NEB: variants seen among roughly 807,000 people sequenced by gnomAD.
NEB encodes nebulin.
Under a neutral mutation model 952.2 loss-of-function variants are expected in NEB, and 512 were observed. The ratio of observed to expected loss-of-function variants is 0.54; its 90% CI spans 0.50 to 0.58. The LOEUF (loss-of-function observed/expected upper bound fraction) is 0.58. Ranked by LOEUF, NEB falls within the 20% of genes least tolerant of loss-of-function variation. The probability of loss-of-function intolerance (pLI) is 0.00; values close to 1 mark genes in which losing one functional copy is unlikely to be tolerated. For synonymous variants in NEB, 2,900 were observed against 3,149.8 expected (o/e 0.92, Z 2.66); for missense variants, 8,428 against 9,231.1 (o/e 0.91, Z 3.56).
chr2:151,724,508 C>A, intron 7 of NEB, 144 bp from the exon 8 acceptor site: 2 of 652,994 alleles, frequency 3.1e-6, no homozygotes, highest in South Asian at 3.7e-5. Flanking sequence ...TGCCAACATC[C>A]TATAATACTT....
rs150504324 is a variant in NEB at position 151,544,469 on chromosome 2, C to T, written c.20577+1419G>A. The stretch of plus-strand genomic sequence containing the variant: ...CACGGAGAATCAGTCTGGTGTGGAA[C>T]AAGGGGTCAGGGCCCTCTCTGGGTG... On this transcript the variant is annotated intron_variant, in intron 135 of 181. Transcript: ENST00000397345. 1.8e-3 allele frequency among the ~76,000 whole-genome samples: 271 copies of T among 152,204 alleles called. 2 individuals are homozygous for T. Among genetic ancestry groups the T allele is most frequent in the African/African-American group, 6.2e-3 (258 of 41,530 alleles).
At chr2:151,625,944 T>A (rs2098514180) in intron 70 of NEB, among the ~76,000 whole-genome samples, 1 of 152,180 alleles carries the variant, frequency 6.6e-6, no homozygotes, top group African/African-American at 2.4e-5. Context: ...AAGCAAGTAT[T>A]TCTCAAGCAT....
At position 151,627,646 on chromosome 2, in the gene NEB, T is replaced by C. The variant is rs2098551175; in HGVS notation, c.10020A>G (p.Leu3340=). ...SSPVDMLGVV[L]AKKCQTLVSD... The stretch of plus-strand genomic sequence containing the variant: ...TGACTAAGGTCTGGCACTTCTTGGC[T>C]AACACCACTCCCAGCATGTCCACTG... Residue 3340 remains leucine, a synonymous_variant, in exon 69 of 182, where the codon TTA becomes TTG. Transcript: ENST00000397345. 6.2e-7 allele frequency: 1 copy of C among 1,613,888 alleles called. No homozygotes were observed. Among genetic ancestry groups the C allele is most frequent in the Non-Finnish European group, 8.5e-7 (1 of 1,179,874 alleles).
intron 38 of NEB, among the ~76,000 whole-genome samples, chr2:151,669,664 G>A (rs1302487166): frequency 6.6e-6 from 1 of 152,150 alleles, no homozygotes; most frequent in Non-Finnish European, 1.5e-5. Context: ...ACGTGGGGGT[G>A]GAGCAGTATT....
chr2:151,616,702 CA>C (rs1220662892), intron 75 of NEB, among the ~76,000 whole-genome samples: 1 of 151,950 alleles, frequency 6.6e-6, no homozygotes, highest in Non-Finnish European at 1.5e-5. Context: ...TCAAACGTAA[CA>C]AAACAAAACA....
At chr2:151,631,428 G>C (rs959837002) in intron 65 of NEB, 82 bp from the exon 66 acceptor site, 6 of 1,403,624 alleles carry the variant, frequency 4.3e-6, no homozygotes, top group Non-Finnish European at 4.8e-6. Flanking sequence ...CAGTAATAAA[G>C]TGCAATTCTG....
Position 151,692,388 on chromosome 2 carries a change from C to T in NEB, c.1897-26G>A, listed in dbSNP as rs1486938733. On this transcript the variant is annotated intron_variant, in intron 20 of 181. Transcript: ENST00000397345. Reference sequence around the variant, plus strand: ...CTGTTAAAGGAAAAATAAATTAAACCAAAAAGAAAGAAATATATATCTCAT... The same window carrying T: ...CTGTTAAAGGAAAAATAAATTAAACTAAAAAGAAAGAAATATATATCTCAT... The T allele has an allele frequency of 2.6e-6, 4 of 1,514,804 alleles. No homozygotes were observed. In the Admixed American group the frequency reaches 5.2e-5, roughly 20 times the overall value. 93.8% of individuals were successfully genotyped at this position (1,514,804 alleles called of 1,614,324 possible).
At chr2:151,704,974 CCTCT>C (rs1335586306) in intron 13 of NEB, among the ~76,000 whole-genome samples, 1 of 152,144 alleles carries the variant, frequency 6.6e-6, no homozygotes, top group Non-Finnish European at 1.5e-5. Flanking sequence ...AAATTGCTGC[CCTCT>C]CTGTCTCTTA....
chr2:151,704,830 C>G (rs533636180), intron 13 of NEB, among the ~76,000 whole-genome samples: 1 of 152,204 alleles, frequency 6.6e-6, no homozygotes, highest in Non-Finnish European at 1.5e-5. Flanking sequence ...CTGCGTCGCT[C>G]GCTCACGCTG....
intron 8 of NEB, among the ~76,000 whole-genome samples, chr2:151,723,746 C>CTTTTT (rs1336447502): frequency 3.6e-5 from 2 of 55,916 alleles, no homozygotes; most frequent in African/African-American, 1.5e-4. Flanking sequence ...TACCTGCCTT[C>CTTTTT]TTTGTTTTTT....
chr2:151,650,518 C>A, intron 53 of NEB, 56 bp downstream of exon 53: 1 of 1,481,854 alleles, frequency 6.7e-7, no homozygotes, highest in Non-Finnish European at 9.1e-7. Flanking sequence ...GACTAAATAG[C>A]TACTCATATA....
At chr2:151,519,904 C>T in intron 153 of NEB, 136 bp from the exon 154 acceptor site, 1 of 588,814 alleles carries the variant, frequency 1.7e-6, no homozygotes, top group Non-Finnish European at 3.0e-6. Flanking sequence ...CAAACTGGGA[C>T]ATTTAGAGTA....
In NEB at chr2:151,643,924, G is replaced by A; in HGVS notation, c.7850C>T (p.Thr2617Ile). The A allele has an allele frequency of 2.5e-6, 4 of 1,613,942 alleles. No homozygotes were observed. In the South Asian group the frequency reaches 3.3e-5, roughly 13 times the overall value. Residue 2617 changes from threonine (T) to isoleucine (I), a missense_variant, in exon 57 of 182, where the codon ACC (threonine) becomes ATC (isoleucine). Around this residue, in one of 11 missense-constraint regions of NEB, gnomAD observed 1,772 missense variants for 1,960.3 expected, o/e 0.90. Coordinates refer to ENST00000397345, the MANE Select transcript of NEB (RefSeq NM_001164508.2). ...CTTGTAGTCCACGTCGCTGACTAAG[G>A]TCTGGCACTTCTTGGCCAACACCAC... ...LGVVLAKKCQ[T>I]LVSDVDYKNY... is the part of the protein sequence containing the mutation.
chr2:151,658,054 T>C lies in NEB; in HGVS notation c.6112A>G (p.Lys2038Glu). Residue 2038 changes from lysine to glutamate, a missense_variant, in exon 48 of 182, where the codon AAA becomes GAA. By Grantham distance (56) the Lys-to-Glu change is moderately conservative (BLOSUM62 1). Coordinates refer to ENST00000397345, the MANE Select transcript of NEB (RefSeq NM_001164508.2). The part of the protein sequence containing the change: ...YKLSLEESKK[K>E]GYDLRPDAIP... ...GCATCAGGTCTGAGATCATAGCCTT[T>C]CTTTTTAGACTCTTCCAAGGAAAGT... 2 of 1,609,928 alleles carry C rather than the reference T, an allele frequency of 1.2e-6. No individual in the cohort carries two copies. Among genetic ancestry groups the C allele is most frequent in the Non-Finnish European group, 1.7e-6 (2 of 1,177,478 alleles).
intron 125 of NEB, among the ~76,000 whole-genome samples, 173 bp downstream of exon 125, chr2:151,554,758 G>A (rs1258188731): frequency 5.3e-5 from 8 of 152,124 alleles, no homozygotes. Flanking sequence ...GTTGCCTACA[G>A]TATTCAGTAC....
At chr2:151,573,786 T>C (rs554779217) in intron 107 of NEB, among the ~76,000 whole-genome samples, 1 of 152,312 alleles carries the variant, frequency 6.6e-6, no homozygotes, top group Admixed American at 6.5e-5. Context: ...TCCATGAAAA[T>C]GGTATCTTCC....
In NEB at chr2:151,666,092, C is replaced by G. The variant is rs778722719; in HGVS notation, c.5029G>C (p.Asp1677His). 4.3e-6 allele frequency: 7 copies of G among 1,610,374 alleles called. No individual in the cohort carries two copies. The South Asian group carries it at 7.7e-5, about 18-fold the overall frequency. Residue 1677 changes from aspartate (D) to histidine (H), a missense_variant and splice_region_variant, in exon 41 of 182, where the codon GAT (aspartate) becomes CAT (histidine). By Grantham distance (81) the Asp-to-His change is moderately conservative. Coordinates refer to ENST00000397345, the MANE Select transcript of NEB (RefSeq NM_001164508.2). ...HSRNAMQIQS[D>H]NLYKSDFTNW... ...ACAACTTGGTAACCAGTACATACAT[C>G]ACTCTGAATCTGCATGGCATTCCTG...
chr2:151,552,829 C>T, intron 127 of NEB, 53 bp from the exon 128 acceptor site: 1 of 1,349,852 alleles, frequency 7.4e-7, no homozygotes, highest in Non-Finnish European at 1.0e-6. Flanking sequence ...ATGCTTGAAA[C>T]TGCTGGTTTT....
intron 70 of NEB, among the ~76,000 whole-genome samples, chr2:151,625,854 A>C (rs1173029437): frequency 6.6e-6 from 1 of 152,204 alleles, no homozygotes; most frequent in Admixed American, 6.5e-5. Flanking sequence ...ATATATACAT[A>C]TAATCAAACA....
Sources: gnomAD v4.1 joint callset for allele counts (sites outside exome capture counted in the v4.1 genomes callset) on GRCh38, gnomAD v4.1.1 for gene constraint, gnomAD v4.1.1 regional missense constraint, MANE v1.5 for transcripts, NCBI Gene and HGNC (gene_info 2026-07-23, HGNC 2026-07-21) for gene names.